The following RNF115 variants were observed in gnomAD, a reference collection of about 807,000 sequenced individuals.
RNF115 encodes E3 ubiquitin-protein ligase RNF115.
Under a neutral mutation model 39.2 loss-of-function variants are expected in RNF115, and 31 were observed. The ratio of observed to expected loss-of-function variants is 0.79; its 90% CI spans 0.59 to 1.07. RNF115 has a LOEUF of 1.07. Ranked by LOEUF, RNF115 falls within the 50% of genes least tolerant of loss-of-function variation. The probability of loss-of-function intolerance (pLI) is 0.00; values close to 1 mark genes in which losing one functional copy is unlikely to be tolerated. For synonymous variants in RNF115, 124 were observed against 131.0 expected (o/e 0.95, Z 0.37); for missense variants, 384 against 381.7 (o/e 1.01, Z -0.05).
intron 1 of RNF115, among the ~76,000 whole-genome samples, chr1:145,812,516 C>T (rs1553722813): frequency 6.6e-6 from 1 of 151,352 alleles, no homozygotes; most frequent in Non-Finnish European, 1.5e-5. Flanking sequence ...AAAAATTAGC[C>T]AGGTGTGGTG....
intron 1 of RNF115, among the ~76,000 whole-genome samples, chr1:145,806,675 C>G (rs1254763428): frequency 6.6e-6 from 1 of 152,144 alleles, no homozygotes; most frequent in Non-Finnish European, 1.5e-5. Context: ...CCCTTTCTCT[C>G]TTGCCTTGCG....
At chr1:145,799,757 T>G (rs187681192) in intron 1 of RNF115, among the ~76,000 whole-genome samples, 1 of 152,298 alleles carries the variant, frequency 6.6e-6, no homozygotes, top group Admixed American at 6.5e-5. Flanking sequence ...CATGCCTGGC[T>G]AATTGTGTTT....
At chr1:145,789,739 G>A (rs1214853329) in intron 1 of RNF115, among the ~76,000 whole-genome samples, 12 of 103,124 alleles carry the variant, frequency 1.2e-4, no homozygotes, top group African/African-American at 3.6e-4. Context: ...ATGGAGTCTC[G>A]CTCTCTTGCC....
intron 2 of RNF115, among the ~76,000 whole-genome samples, chr1:145,785,748 A>C (rs181608350): frequency 6.6e-6 from 1 of 152,342 alleles, no homozygotes. Flanking sequence ...GTCTGAAACC[A>C]AAAGTGAAAA....
chr1:145,766,594 C>G (rs1647287938), intron 4 of RNF115, among the ~76,000 whole-genome samples: 1 of 151,528 alleles, frequency 6.6e-6, no homozygotes, highest in Admixed American at 6.6e-5. Flanking sequence ...CCCCTCACCT[C>G]CCGGACGGGG....
chr1:145,777,518 G>A (rs1226291402), intron 3 of RNF115, among the ~76,000 whole-genome samples: 1 of 151,880 alleles, frequency 6.6e-6, no homozygotes, highest in African/African-American at 2.4e-5. Context: ...ACACAGGATG[G>A]AAAAGCACAC....
At chr1:145,822,744 C>T (rs1553724629) in intron 1 of RNF115, among the ~76,000 whole-genome samples, 1 of 145,624 alleles carries the variant, frequency 6.9e-6, no homozygotes, top group Non-Finnish European at 1.5e-5. Context: ...CTGGTGCTGG[C>T]TAGTATGCTG....
chr1:145,823,822 G>A lies in RNF115; in HGVS notation c.52C>T (p.His18Tyr). ...TTGCAAAAGTGGCAGAAAAACCGGT[G>A]GGCGGCTACAGCGGCGCCCGAGTCC... ...GADSGAAVAA[H>Y]RFFCHFCKGE... Residue 18 changes from histidine to tyrosine, a missense_variant, in exon 1 of 9, where the codon CAC (histidine) becomes TAC (tyrosine). Physicochemically the swap from His to Tyr is moderately conservative, Grantham distance 83 (BLOSUM62 2). Transcript: ENST00000582693. The A allele has an allele frequency of 1.3e-6, 2 of 1,585,452 alleles. No individual in the cohort carries two copies. Among genetic ancestry groups the A allele is most frequent in the Non-Finnish European group, 1.7e-6 (2 of 1,169,270 alleles).
intron 7 of RNF115, 83 bp from the exon 8 acceptor site, chr1:145,748,193 C>G: frequency 1.1e-6 from 1 of 876,280 alleles, no homozygotes; most frequent in Non-Finnish European, 1.9e-6. Context: ...ACCAACCCTA[C>G]GAATGCATAA....
intron 1 of RNF115, among the ~76,000 whole-genome samples, chr1:145,816,676 C>T (rs1262323455): frequency 1.6e-4 from 23 of 145,798 alleles, no homozygotes; most frequent in Admixed American, 1.4e-3. Context: ...ACTCAATACC[C>T]AGCCTCTGGT....
chr1:145,781,330 T>C (rs1648138899), intron 3 of RNF115, among the ~76,000 whole-genome samples: 1 of 152,178 alleles, frequency 6.6e-6, no homozygotes, highest in Non-Finnish European at 1.5e-5. Flanking sequence ...AGCATAAGTC[T>C]TTGCCGAAAT....
At chr1:145,751,262 G>A (rs1553712438) in intron 6 of RNF115, among the ~76,000 whole-genome samples, 176 bp downstream of exon 6, 1 of 152,172 alleles carries the variant, frequency 6.6e-6, no homozygotes, top group Non-Finnish European at 1.5e-5. Context: ...GGAAGTGCAT[G>A]GATGCTGAGC....
Position 145,752,999 on chromosome 1 carries a change from C to T in RNF115, c.479G>A (p.Gly160Glu), listed in dbSNP as rs1329655722. 6.2e-7 allele frequency: 1 copy of T among 1,610,514 alleles called. No individual in the cohort carries two copies. Among genetic ancestry groups the T allele is most frequent in the African/African-American group, 1.3e-5 (1 of 74,894 alleles). The change falls in exon 5 of 9, where the codon GGA becomes GAA. Residue 160 changes from glycine to glutamate, a missense_variant. Gly to Glu is a moderately conservative substitution (Grantham distance 98). Transcript: ENST00000582693. The stretch of plus-strand genomic sequence containing the variant: ...TTACCAGGAAAAAGGGTGTGGAGAT[C>T]CAGGAATGGCAGAATTTGCAAAGAA... ...AGFFANSAIP[G>E]SPHPFSWSGM...
At chr1:145,819,642 AAAG>A (rs1650148165) in intron 1 of RNF115, among the ~76,000 whole-genome samples, 1 of 152,190 alleles carries the variant, frequency 6.6e-6, no homozygotes, top group South Asian at 2.1e-4. Context: ...AAAACCTGGC[AAAG>A]ACACAATGAA....
chr1:145,805,238 G>A (rs1649412565), intron 1 of RNF115, among the ~76,000 whole-genome samples: 1 of 152,120 alleles, frequency 6.6e-6, no homozygotes, highest in South Asian at 2.1e-4. Flanking sequence ...CTCACAGCAG[G>A]AACATTCAAG....
chr1:145,788,991 T>C lies in RNF115; in HGVS notation c.103-25A>G, dbSNP rs373810969. ...CCTATAAAAGAAAGGAAGAAACAAATAAAACTTTTTCATTAGAAAGCTACG... is the reference window on the plus strand; with the variant it reads ...CCTATAAAAGAAAGGAAGAAACAAACAAAACTTTTTCATTAGAAAGCTACG... On this transcript the variant is annotated intron_variant, in intron 1 of 8. Coordinates refer to ENST00000582693, the MANE Select transcript of RNF115 (RefSeq NM_014455.4). The C allele has an allele frequency of 1.4e-5, 21 of 1,489,678 alleles. No individual in the cohort carries two copies. The African/African-American group carries it at 2.5e-4, about 18-fold the overall frequency. 92.3% of individuals were successfully genotyped at this position (1,489,678 alleles called of 1,614,324 possible).
At chr1:145,765,158 C>T (rs1252674682) in intron 4 of RNF115, among the ~76,000 whole-genome samples, 1 of 152,192 alleles carries the variant, frequency 6.6e-6, no homozygotes. Context: ...GCTGTGTCCA[C>T]TCAGGGTTAA....
chr1:145,785,412 T>C (rs1648335984), intron 2 of RNF115, among the ~76,000 whole-genome samples: 1 of 152,172 alleles, frequency 6.6e-6, no homozygotes, highest in Non-Finnish European at 1.5e-5. Context: ...AGTTGTTGAA[T>C]TAATCACATG....
intron 3 of RNF115, among the ~76,000 whole-genome samples, chr1:145,783,965 T>C (rs903753327): frequency 6.6e-6 from 1 of 152,166 alleles, no homozygotes; most frequent in East Asian, 1.9e-4. Flanking sequence ...CAGTTAAGAT[T>C]TGTTTTTCCC....
Sources: allele counts gnomAD v4.1 joint callset (sites outside exome capture counted in the v4.1 genomes callset), GRCh38; gene constraint gnomAD v4.1.1; transcripts MANE v1.5; gene names NCBI Gene and HGNC (gene_info 2026-07-23, HGNC 2026-07-21).